The following DDOST variants were observed in gnomAD, a reference collection of about 807,000 sequenced individuals.
DDOST encodes the protein dolichyl-diphosphooligosaccharide--protein glycosyltransferase non-catalytic subunit.
Under a neutral mutation model 47.6 loss-of-function variants are expected in DDOST, and 25 were observed. That is an observed-to-expected ratio of 0.53 (90% confidence interval 0.38 to 0.73). The LOEUF is 0.73. DDOST is among the 30% of genes least tolerant of loss of function. The pLI is 0.00. For missense variants in DDOST, 526 were observed against 573.9 expected, an observed-to-expected ratio of 0.92 and a Z score of 0.85; for synonymous variants, 275 against 236.0, an observed-to-expected ratio of 1.17 and a Z score of -1.51.
rs149487745 is a variant in DDOST, at chr1:20,655,484, G to T, written c.507C>A (p.Ile169=). The change falls in exon 5 of 11, where the codon ATC becomes ATA. Residue 169 remains isoleucine, a synonymous_variant. Transcript: ENST00000602624. ...DTENLLKAPT[I]VGKSSLNPIL... Reference sequence around the variant, plus strand: ...TGGGATTTAGAGATGATTTCCCAACGATGGTTGGGGCCTTCAGCAGGTTCT... The same window carrying T: ...TGGGATTTAGAGATGATTTCCCAACTATGGTTGGGGCCTTCAGCAGGTTCT... 4 of 1,613,890 alleles carry T rather than the reference G, an allele frequency of 2.5e-6. No individual in the cohort carries two copies. The highest frequency in any genetic ancestry group is 3.4e-6 in the Non-Finnish European group (4 of 1,179,948).
At chr1:20,654,841 A>G (rs1474318094) in intron 5 of DDOST, 134 bp from the exon 6 acceptor site, 2 of 649,592 alleles carry the variant, frequency 3.1e-6, no homozygotes, top group East Asian at 2.8e-5. Flanking sequence ...TTGTCTTGAT[A>G]TAACAATGGA....
In DDOST at chr1:20,656,228, C is replaced by T. The variant is rs759540099; in HGVS notation, c.266-41G>A. The T allele has an allele frequency of 7.8e-5, 117 of 1,491,452 alleles. 1 individual carries two copies. In the Admixed American group the frequency reaches 1.5e-3, roughly 19 times the overall value. The allele number at this position is 1,491,452 out of a possible 1,614,324, so 92.4% of individuals were successfully genotyped here. A position where few individuals can be genotyped will look rare whatever the true frequency, so the allele number is the denominator to read the frequency against. ...AGACACAGTGACCCAGAGGTCTCCT[C>T]TCCCTGCTCCTCTGACACTGGCAGG... On this transcript the variant is annotated intron_variant, in intron 2 of 10. Coordinates refer to ENST00000602624, the MANE Select transcript of DDOST (RefSeq NM_005216.5).
chr1:20,653,689 C>T lies in DDOST; in HGVS notation c.880G>A (p.Val294Met), dbSNP rs1253296295. The change falls in exon 8 of 11, where the codon GTG becomes ATG. Residue 294 changes from valine to methionine, a missense_variant. Transcript: ENST00000602624. ...KEEGVLRVGPVSHHRVGETAP... is the reference protein window; with the variant it reads ...KEEGVLRVGPMSHHRVGETAP... ...GTCTCGCCCACCCGATGATGGGACA[C>T]AGGCCCCACACGGAGGACACCCTCC... 1 of 1,614,064 alleles carries T rather than the reference C, an allele frequency of 6.2e-7. No homozygotes were observed. The highest frequency in any genetic ancestry group is 8.5e-7 in the Non-Finnish European group (1 of 1,179,950).
rs370821391 is a variant in DDOST, at chr1:20,653,016, G to A, written c.943-45C>T. 3.1e-5 allele frequency: 50 copies of A among 1,610,072 alleles called. No individual in the cohort carries two copies. The African/African-American group carries it at 6.3e-4, about 20-fold the overall frequency. On this transcript the variant is annotated intron_variant, in intron 8 of 10. Coordinates refer to ENST00000602624, the MANE Select transcript of DDOST (RefSeq NM_005216.5). ...TAGCCAGGGCTGGCCATGACTGGAGGCCTTCCACCACCTGCAGGCAGAGCT... is the reference window on the plus strand; with the variant it reads ...TAGCCAGGGCTGGCCATGACTGGAGACCTTCCACCACCTGCAGGCAGAGCT...
rs759126376 is a variant in DDOST, at chr1:20,660,918, G to C, written c.228C>G (p.Leu76=). ...SLSLIKYGEF[L]YDNLIIFSPS... ...GGGAGAAAATGATGAGATTGTCATA[G>C]AGGAATTCCCCATACTTTATGAGAG... Residue 76 remains leucine, a synonymous_variant, in exon 2 of 11, where the codon CTC becomes CTG. Transcript: ENST00000602624. The C allele has an allele frequency of 1.2e-6, 2 of 1,613,214 alleles. No homozygotes were observed. Among genetic ancestry groups the C allele is most frequent in the Non-Finnish European group, 1.7e-6 (2 of 1,179,168 alleles).
chr1:20,653,483 TG>T, intron 8 of DDOST, 143 bp downstream of exon 8: 1 of 812,290 alleles, frequency 1.2e-6, no homozygotes, highest in Non-Finnish European at 1.8e-6. Context: ...GCATCTCACC[TG>T]GCATGCTTAG....
intron 8 of DDOST, 35 bp from the exon 9 acceptor site, chr1:20,653,006 A>G (rs376370824): frequency 1.2e-6 from 2 of 1,612,242 alleles, no homozygotes; most frequent in South Asian, 1.1e-5. Context: ...AGGGCTGGCC[A>G]TGACTGGAGG....
chr1:20,652,182 G>T lies in DDOST; in HGVS notation c.*197C>A. On this transcript the variant is annotated 3_prime_UTR_variant, in exon 11 of 11. Coordinates refer to ENST00000602624, the MANE Select transcript of DDOST (RefSeq NM_005216.5). ...GCACATAGGAAAAATGCCACTTTTA[G>T]CAATTCAAAGTGGAAAAACTTCTTT... 1 of 519,936 alleles carries T rather than the reference G, an allele frequency of 1.9e-6. No individual in the cohort carries two copies. Among genetic ancestry groups the T allele is most frequent in the Non-Finnish European group, 3.2e-6 (1 of 308,220 alleles). 32.2% of individuals were successfully genotyped at this position (519,936 alleles called of 1,614,324 possible).
intron 3 of DDOST, 133 bp downstream of exon 3, chr1:20,655,968 G>A: frequency 3.4e-6 from 3 of 869,842 alleles, no homozygotes; most frequent in Admixed American, 4.1e-5. Flanking sequence ...ATTCTGAACT[G>A]AGAAAACGGT....
chr1:20,660,852 C>T (rs778961282), intron 2 of DDOST, 29 bp downstream of exon 2: 2 of 1,376,792 alleles, frequency 1.5e-6, no homozygotes, highest in South Asian at 2.3e-5. Context: ...TCTCGAATTC[C>T]AGTGCTAGGG....
intron 7 of DDOST, 94 bp from the exon 8 acceptor site, chr1:20,653,868 C>T: frequency 3.4e-6 from 5 of 1,457,206 alleles, no homozygotes; most frequent in Non-Finnish European, 3.7e-6. Flanking sequence ...ATGACAGTAC[C>T]CTAGCGAAGT....
At chr1:20,658,233 C>T (rs2053396661) in intron 2 of DDOST, among the ~76,000 whole-genome samples, 1 of 152,244 alleles carries the variant, frequency 6.6e-6, no homozygotes, top group Non-Finnish European at 1.5e-5. Context: ...AATTTCTTCC[C>T]TTGTAGACAT....
At chr1:20,653,578 A>T (rs770121804) in intron 8 of DDOST, 49 bp downstream of exon 8, 3 of 1,521,454 alleles carry the variant, frequency 2.0e-6, no homozygotes. Context: ...AGCTGAGCTC[A>T]GTCAGCTTGG....
intron 8 of DDOST, 39 bp downstream of exon 8, chr1:20,653,588 G>A: frequency 6.5e-7 from 1 of 1,536,984 alleles, no homozygotes; most frequent in Non-Finnish European, 8.8e-7. Flanking sequence ...AGTCAGCTTG[G>A]CAAACCCTTT....
chr1:20,654,299 AGAT>A lies in DDOST; in HGVS notation c.715_717del (p.Ile239del), dbSNP rs1272297547. 1 of 1,553,676 alleles carries A rather than the reference AGAT, an allele frequency of 6.4e-7. No individual in the cohort carries two copies. The highest frequency in any genetic ancestry group is 2.0e-5 in the Admixed American group (1 of 51,276). ...CTGAAGAAGTCGAGGGAGCCGCTGAAGATGACGCGGGCATTGTTCCTGGCCTGG... is the reference window on the plus strand; with the variant it reads ...CTGAAGAAGTCGAGGGAGCCGCTGAAGACGCGGGCATTGTTCCTGGCCTGG... On this transcript the variant is annotated inframe_deletion, in exon 7 of 11. Coordinates refer to ENST00000602624, the MANE Select transcript of DDOST (RefSeq NM_005216.5).
At chr1:20,654,903 G>A (rs2053351667) in intron 5 of DDOST, among the ~76,000 whole-genome samples, 196 bp from the exon 6 acceptor site, 2 of 152,134 alleles carry the variant, frequency 1.3e-5, no homozygotes, top group Admixed American at 6.6e-5. Flanking sequence ...TCTGCCACCT[G>A]GGCTGGAGTG....
At chr1:20,655,918 C>A in intron 3 of DDOST, 139 bp from the exon 4 acceptor site, 1 of 832,270 alleles carries the variant, frequency 1.2e-6, no homozygotes. Context: ...CCCAGATGGA[C>A]CCCTGGACAG....
At position 20,661,311 on chromosome 1, in the gene DDOST, A is replaced by G. The variant is rs2053432188; in HGVS notation, c.40T>C (p.Trp14Arg). 1.2e-6 allele frequency: 2 copies of G among 1,613,808 alleles called. No individual in the cohort carries two copies. The highest frequency in any genetic ancestry group is 1.7e-6 in the Non-Finnish European group (2 of 1,179,982). ...GCGCCAAGCAAGGGCAGCAGCAACC[A>G]AAAGAGGGCCCAAGCCCGGGCCGCG... ...STAARAWALF[W>R]LLLPLLGAVC... Residue 14 changes from tryptophan (W) to arginine (R), a missense_variant, in exon 1 of 11, where the codon TGG (tryptophan) becomes CGG (arginine). Physicochemically the swap from Trp to Arg is moderately radical, Grantham distance 101. Coordinates refer to ENST00000602624, the MANE Select transcript of DDOST (RefSeq NM_005216.5).
intron 2 of DDOST, among the ~76,000 whole-genome samples, chr1:20,658,790 C>T (rs909921474): frequency 1.3e-5 from 2 of 151,142 alleles, no homozygotes; most frequent in African/African-American, 4.9e-5. Context: ...TTTCCATTTT[C>T]GGTGGTAATT....
Sources: allele counts gnomAD v4.1 joint callset (sites outside exome capture counted in the v4.1 genomes callset), GRCh38; gene constraint gnomAD v4.1.1; transcripts MANE v1.5; gene names NCBI Gene and HGNC (gene_info 2026-07-23, HGNC 2026-07-21).